NTM: variants seen among roughly 807,000 people sequenced by gnomAD.
NTM encodes the protein neurotrimin.
In NTM, 13 loss-of-function variants were observed where a neutral mutation model predicts 42.1. The observed-to-expected ratio is 0.31, with a 90% CI of 0.20 to 0.49. The LOEUF is 0.49. NTM is among the 20% of genes least tolerant of loss of function. The pLI, the probability that NTM is intolerant of heterozygous loss-of-function variation, is 0.99. For synonymous variants in NTM, 187 were observed against 179.2 expected (o/e 1.04, Z -0.35); for missense variants, 373 against 452.8 (o/e 0.82, Z 1.60).
intron 2 of NTM, among the ~76,000 whole-genome samples, chr11:132,093,752 A>T (rs1234001132): frequency 1.3e-5 from 2 of 152,240 alleles, no homozygotes; most frequent in African/African-American, 4.8e-5. Flanking sequence ...GAGGGCTGTG[A>T]CAGTGACTAT....
chr11:131,781,036 A>G (rs1400117995), intron 1 of NTM, among the ~76,000 whole-genome samples: 2 of 152,200 alleles, frequency 1.3e-5, no homozygotes, highest in Non-Finnish European at 2.9e-5. Flanking sequence ...TTTAGAAAGT[A>G]TCTTGTACAT....
chr11:132,332,958 G>A (rs553816757), intron 8 of NTM, among the ~76,000 whole-genome samples: 5 of 152,116 alleles, frequency 3.3e-5, no homozygotes, highest in South Asian at 2.1e-4. Context: ...AGCGGGAGAC[G>A]GGAGGTGGGA....
intron 1 of NTM, among the ~76,000 whole-genome samples, chr11:131,672,061 C>G (rs2070378230): frequency 6.6e-6 from 1 of 152,222 alleles, no homozygotes; most frequent in Admixed American, 6.5e-5. Flanking sequence ...ACATCCCTTT[C>G]TCTTTGTCTT....
chr11:132,325,630 C>T (rs1007829609), intron 7 of NTM, among the ~76,000 whole-genome samples: 5 of 152,050 alleles, frequency 3.3e-5, no homozygotes, highest in South Asian at 2.1e-4. Flanking sequence ...GGATCTAGAA[C>T]TGGAAATACC....
At chr11:132,072,307 T>C (rs1232432064) in intron 2 of NTM, among the ~76,000 whole-genome samples, 1 of 152,206 alleles carries the variant, frequency 6.6e-6, no homozygotes, top group Non-Finnish European at 1.5e-5. Context: ...GAATCTTCTT[T>C]GATTGTGTTA....
At chr11:132,052,843 T>C (rs1207535886) in intron 2 of NTM, among the ~76,000 whole-genome samples, 2 of 151,930 alleles carry the variant, frequency 1.3e-5, no homozygotes, top group African/African-American at 4.8e-5. Context: ...TTCACAAACA[T>C]ATATTTCTCA....
chr11:132,302,807 C>A (rs1293101715), intron 4 of NTM, among the ~76,000 whole-genome samples: 1 of 152,164 alleles, frequency 6.6e-6, no homozygotes, highest in Non-Finnish European at 1.5e-5. Flanking sequence ...CATCACTGAC[C>A]AGATGTGTGC....
intron 2 of NTM, among the ~76,000 whole-genome samples, chr11:132,011,441 C>A (rs1352326052): frequency 6.6e-6 from 1 of 152,142 alleles, no homozygotes. Context: ...GTCAGTGCCT[C>A]ATCTTGAACT....
At chr11:131,873,652 C>CATATATAT (rs1400025164) in intron 1 of NTM, among the ~76,000 whole-genome samples, 1 of 121,532 alleles carries the variant, frequency 8.2e-6, no homozygotes, top group African/African-American at 4.1e-5. Context: ...TATATATACA[C>CATATATAT]ACATATATAT....
intron 3 of NTM, among the ~76,000 whole-genome samples, chr11:132,169,146 A>C (rs1208538184): frequency 6.6e-6 from 1 of 151,794 alleles, no homozygotes; most frequent in Non-Finnish European, 1.5e-5. Context: ...CCTCTGGTTC[A>C]TTCTTGTTTT....
At chr11:131,828,130 A>G (rs1347955853) in intron 1 of NTM, among the ~76,000 whole-genome samples, 4 of 142,124 alleles carry the variant, frequency 2.8e-5, no homozygotes, top group African/African-American at 3.0e-5. Context: ...AAGATGAAGA[A>G]AAAAAAAAAC....
intron 1 of NTM, chr11:131,662,292 A>G (rs1241530326): frequency 6.6e-6 from 1 of 152,172 alleles, no homozygotes; most frequent in Non-Finnish European, 1.5e-5. Flanking sequence ...GAAAATCACA[A>G]AGCATCTTTT....
chr11:131,935,582 A>C (rs1309652218), intron 2 of NTM, among the ~76,000 whole-genome samples: 1 of 149,234 alleles, frequency 6.7e-6, no homozygotes, highest in Non-Finnish European at 1.5e-5. Flanking sequence ...GGTTAAGAGA[A>C]GGGTGTCATG....
intron 2 of NTM, among the ~76,000 whole-genome samples, chr11:132,084,616 T>A (rs2059479843): frequency 6.6e-6 from 1 of 152,168 alleles, no homozygotes; most frequent in Non-Finnish European, 1.5e-5. Flanking sequence ...TGAACTAGAA[T>A]TTCAGATTAC....
chr11:132,254,101 C>T (rs1006061436), intron 4 of NTM, among the ~76,000 whole-genome samples: 1 of 152,176 alleles, frequency 6.6e-6, no homozygotes, highest in Non-Finnish European at 1.5e-5. Context: ...CAGACTCTTC[C>T]TGTCCACCAA....
intron 2 of NTM, among the ~76,000 whole-genome samples, chr11:132,075,964 G>T (rs1462060058): frequency 1.3e-5 from 2 of 152,064 alleles, no homozygotes; most frequent in Non-Finnish European, 2.9e-5. Flanking sequence ...CGACAGCATT[G>T]GTGGGTATGT....
intron 1 of NTM, among the ~76,000 whole-genome samples, chr11:131,687,765 G>A (rs990143118): frequency 6.6e-6 from 1 of 152,130 alleles, no homozygotes; most frequent in Non-Finnish European, 1.5e-5. Context: ...AGGCGAGGGG[G>A]CCCCTGGGTC....
At chr11:131,905,388 G>T (rs1009767295) in intron 1 of NTM, among the ~76,000 whole-genome samples, 1 of 152,106 alleles carries the variant, frequency 6.6e-6, no homozygotes, top group Non-Finnish European at 1.5e-5. Flanking sequence ...GAGCACTCCC[G>T]AGGTGCCCAT....
chr11:131,827,633 T>C (rs2042293814), intron 1 of NTM, among the ~76,000 whole-genome samples: 1 of 152,188 alleles, frequency 6.6e-6, no homozygotes, highest in South Asian at 2.1e-4. Context: ...CCTTTATCGC[T>C]GTCCTCTACA....
Sources: gnomAD v4.1 joint callset for allele counts (sites outside exome capture counted in the v4.1 genomes callset) on GRCh38, gnomAD v4.1.1 for gene constraint, MANE v1.5 for transcripts, NCBI Gene and HGNC (gene_info 2026-07-23, HGNC 2026-07-21) for gene names.